The following RAP1GAP2 variants were observed in gnomAD, a reference collection of about 807,000 sequenced individuals.
The protein encoded by RAP1GAP2 is RAP1 GTPase activating protein 2, also known as rap1 GTPase-activating protein 2.
RAP1GAP2 carries 27 observed loss-of-function variants against 95.0 expected under a neutral mutation model. The observed-to-expected ratio is 0.28, with a 90% CI of 0.21 to 0.39. The LOEUF is 0.39. RAP1GAP2 is among the 10% of genes least tolerant of loss of function. The probability of loss-of-function intolerance (pLI) is 1.00; values close to 1 mark genes in which losing one functional copy is unlikely to be tolerated. For missense variants in RAP1GAP2, 771 were observed against 970.0 expected (o/e 0.79, Z 2.72); for synonymous variants, 373 against 380.9 (o/e 0.98, Z 0.24).
At chr17:2,943,390 A>G (rs1010486424) in intron 3 of RAP1GAP2, among the ~76,000 whole-genome samples, 6 of 152,172 alleles carry the variant, frequency 3.9e-5, no homozygotes, top group Non-Finnish European at 8.8e-5. Context: ...AGTGCACTAT[A>G]GGGGTGGGTA....
chr17:2,773,480 A>G (rs569326945), upstream of RAP1GAP2, among the ~76,000 whole-genome samples: 4 of 152,214 alleles, frequency 2.6e-5, no homozygotes, highest in African/African-American at 9.6e-5. Context: ...ACAGCTAAGG[A>G]GGTTGGTGAG....
intron 2 of RAP1GAP2, among the ~76,000 whole-genome samples, chr17:2,804,638 C>A (rs1032347588): frequency 6.6e-6 from 1 of 152,174 alleles, no homozygotes; most frequent in Non-Finnish European, 1.5e-5. Context: ...TTGCTGGGGC[C>A]CATCCCCTTG....
intron 1 of RAP1GAP2, among the ~76,000 whole-genome samples, chr17:2,758,392 T>G (rs2071188335): frequency 6.6e-6 from 1 of 151,544 alleles, no homozygotes; most frequent in Non-Finnish European, 1.5e-5. Flanking sequence ...GCCAGGCTGG[T>G]CTTGATCTCT....
intron 2 of RAP1GAP2, among the ~76,000 whole-genome samples, chr17:2,838,838 T>G (rs1188133587): frequency 1.3e-5 from 2 of 152,212 alleles, no homozygotes; most frequent in African/African-American, 4.8e-5. Flanking sequence ...GGGGCTAATA[T>G]ATGTCTTTAA....
rs200751766 is a variant in RAP1GAP2, at chr17:2,928,629, C to T, written c.165+23261C>T. 5.9e-5 allele frequency among the ~76,000 whole-genome samples: 9 copies of T among 152,254 alleles called. No homozygotes were observed. In the East Asian group the frequency reaches 1.2e-3, roughly 20 times the overall value. Reference sequence around the variant, plus strand: ...GGCTACGGGGCAGTCAGCGAGGCTCCGGCAGGGCGAGTAAACAGGCACACA... The same window carrying T: ...GGCTACGGGGCAGTCAGCGAGGCTCTGGCAGGGCGAGTAAACAGGCACACA... On this transcript the variant is annotated intron_variant, in intron 3 of 24. Coordinates refer to ENST00000254695, the MANE Select transcript of RAP1GAP2 (RefSeq NM_015085.5).
chr17:2,762,694 A>G (rs1275663796), intron 1 of RAP1GAP2, among the ~76,000 whole-genome samples: 2 of 150,542 alleles, frequency 1.3e-5, no homozygotes, highest in Non-Finnish European at 3.0e-5. Flanking sequence ...GAGCCACTGC[A>G]CCCAGCCTGG....
chr17:3,006,077 T>A (rs1465118621), intron 16 of RAP1GAP2, 36 bp downstream of exon 16: 2 of 1,524,724 alleles, frequency 1.3e-6, no homozygotes, highest in African/African-American at 2.8e-5. Flanking sequence ...CCCTCCTGAC[T>A]GCTGGGCCAC....
chr17:2,771,247 A>C lies in RAP1GAP2; in HGVS notation c.167+802A>C, dbSNP rs943362702. On this transcript the variant is annotated intron_variant, in intron 2 of 25. Coordinates refer to the RAP1GAP2 transcript ENST00000637138. ...GTCCGCCTCCTTTCCCATGCCAGAGAGTCCAGCTGGGATCCTGAGTCTGGG... is the reference window on the plus strand; with the variant it reads ...GTCCGCCTCCTTTCCCATGCCAGAGCGTCCAGCTGGGATCCTGAGTCTGGG... 7.2e-5 allele frequency among the ~76,000 whole-genome samples: 11 copies of C among 152,054 alleles called. 1 individual carries two copies. The Middle Eastern group carries it at 0.01, about 141-fold the overall frequency.
At chr17:2,991,171 T>C in intron 11 of RAP1GAP2, 126 bp from the exon 12 acceptor site, 1 of 742,818 alleles carries the variant, frequency 1.3e-6, no homozygotes, top group Non-Finnish European at 2.3e-6. Flanking sequence ...AGGGCAGCTA[T>C]GGTGGATGTG....
At chr17:3,026,910 G>T in intron 21 of RAP1GAP2, 34 bp from the exon 22 acceptor site, 1 of 1,543,730 alleles carries the variant, frequency 6.5e-7, no homozygotes, top group Non-Finnish European at 8.8e-7. Flanking sequence ...TGCCGAGGGT[G>T]GGCTGGCCTC....
At chr17:2,953,203 CT>C (rs71153315) in intron 3 of RAP1GAP2, among the ~76,000 whole-genome samples, 130 of 146,344 alleles carry the variant, frequency 8.9e-4, no homozygotes, top group African/African-American at 2.2e-3. Flanking sequence ...TATACAGTAT[CT>C]TTTTTTTTTT....
At chr17:2,779,588 C>G (rs971354273) in intron 1 of RAP1GAP2, among the ~76,000 whole-genome samples, 2 of 152,076 alleles carry the variant, frequency 1.3e-5, no homozygotes, top group Non-Finnish European at 2.9e-5. Flanking sequence ...GCTGGCCGCT[C>G]AGATATACCT....
intron 2 of RAP1GAP2, among the ~76,000 whole-genome samples, chr17:2,883,094 C>G (rs1375627519): frequency 6.6e-6 from 1 of 152,194 alleles, no homozygotes; most frequent in East Asian, 1.9e-4. Flanking sequence ...GGGTGGGCAG[C>G]AGAGCAGCTT....
chr17:3,023,549 A>G (rs1406250485), intron 19 of RAP1GAP2, among the ~76,000 whole-genome samples: 2 of 152,180 alleles, frequency 1.3e-5, no homozygotes, highest in African/African-American at 4.8e-5. Flanking sequence ...CTCTGTTTGG[A>G]ACCTGTGCAT....
At chr17:2,950,600 C>T (rs1265834815) in intron 3 of RAP1GAP2, among the ~76,000 whole-genome samples, 3 of 134,276 alleles carry the variant, frequency 2.2e-5, no homozygotes, top group Non-Finnish European at 3.1e-5. Flanking sequence ...GAACTATTTG[C>T]TTCAATTTTT....
chr17:2,976,768 A>C (rs965805200), intron 8 of RAP1GAP2, among the ~76,000 whole-genome samples: 1 of 152,132 alleles, frequency 6.6e-6, no homozygotes, highest in Admixed American at 6.5e-5. Flanking sequence ...GTCTTACTAG[A>C]TCTTACTAGT....
At position 3,020,671 on chromosome 17, in the gene RAP1GAP2, T is replaced by C. The variant is rs2046931351; in HGVS notation, c.1751+76T>C. Reference sequence around the variant, plus strand: ...CCCCTCCACTGCTACAGCTGTTCAGTGCCCTACCTTGCAGGGAGGAGCTTT... The same window carrying C: ...CCCCTCCACTGCTACAGCTGTTCAGCGCCCTACCTTGCAGGGAGGAGCTTT... On this transcript the variant is annotated intron_variant, in intron 19 of 24. Transcript: ENST00000254695. 14 of 1,305,064 alleles carry C rather than the reference T, an allele frequency of 1.1e-5. No individual in the cohort carries two copies. In the Admixed American group the frequency reaches 2.6e-4, roughly 24 times the overall value. 80.8% of individuals were successfully genotyped at this position (1,305,064 alleles called of 1,614,324 possible).
At chr17:2,863,857 G>A (rs2072511375) in intron 2 of RAP1GAP2, among the ~76,000 whole-genome samples, 1 of 152,134 alleles carries the variant, frequency 6.6e-6, no homozygotes. Context: ...GGGAGTTCGA[G>A]ACCAGCCAAC....
Position 2,875,191 on chromosome 17 carries a change from G to A in RAP1GAP2, c.81-30093G>A, listed in dbSNP as rs144826335. 5.4e-3 allele frequency among the ~76,000 whole-genome samples: 821 copies of A among 152,088 alleles called. 5 individuals are homozygous for A. The highest frequency in any genetic ancestry group is 0.014 in the African/African-American group (585 of 41,466). ...AAGCAATTCTCCTGCCTCAGTCTCC[G>A]GAGTAGCTGAGATTACAGGCGTGCA... On this transcript the variant is annotated intron_variant, in intron 2 of 24. Coordinates refer to ENST00000254695, the MANE Select transcript of RAP1GAP2 (RefSeq NM_015085.5).
Sources: allele counts gnomAD v4.1 joint callset (sites outside exome capture counted in the v4.1 genomes callset), GRCh38; gene constraint gnomAD v4.1.1; transcripts MANE v1.5; gene names NCBI Gene and HGNC (gene_info 2026-07-23, HGNC 2026-07-21).